MROH2A: variants seen among roughly 807,000 people sequenced by gnomAD.
MROH2A encodes the protein maestro heat like repeat family member 2A.
In MROH2A, 174 loss-of-function variants were observed where a neutral mutation model predicts 200.4. That is an observed-to-expected ratio of 0.87 (90% CI 0.77 to 0.98). The LOEUF (loss-of-function observed/expected upper bound fraction) is 0.98. MROH2A is among the 50% of genes least tolerant of loss of function. MROH2A has a pLI of 0.00. For synonymous variants in MROH2A, 829 were observed against 840.4 expected (o/e 0.99, Z 0.23); for missense variants, 2,045 against 2,139.6 (o/e 0.96, Z 0.87).
At position 233,820,430 on chromosome 2, in the gene MROH2A, T is replaced by A. The variant is rs1355934607; in HGVS notation, c.3512+374T>A. Reference sequence around the variant, plus strand: ...AGCAAGCCCTGGATATATTCCAGGCTGTCCCTATTTCTTTCAAAATGTGTC... The same window carrying A: ...AGCAAGCCCTGGATATATTCCAGGCAGTCCCTATTTCTTTCAAAATGTGTC... On this transcript the variant is annotated intron_variant, in intron 31 of 41. Coordinates refer to ENST00000389758, the MANE Select transcript of MROH2A (RefSeq NM_001394639.1). This position sits in a 1 kb window ranked among gnomAD's most constrained non-coding sequence, Gnocchi z 4.1. Among the ~76,000 whole-genome samples the A allele has an allele frequency of 1.3e-5, 2 of 152,232 alleles. No homozygotes were observed. Among genetic ancestry groups the A allele is most frequent in the Admixed American group, 1.3e-4 (2 of 15,286 alleles).
intron 15 of MROH2A, 148 bp downstream of exon 15, chr2:233,802,463 C>T (rs1702533942): frequency 1.2e-6 from 1 of 866,460 alleles, no homozygotes; most frequent in South Asian, 1.8e-5. Flanking sequence ...TTAATGCCTA[C>T]CTGGATATTA....
chr2:233,779,601 C>T (rs1011974704), intron 2 of MROH2A, 70 bp from the exon 3 acceptor site: 7 of 1,505,828 alleles, frequency 4.6e-6, no homozygotes, highest in African/African-American at 2.8e-5. Context: ...GGAGGCAAGG[C>T]CAGGGACACA....
At chr2:233,827,576 G>A (rs181143230) in intron 35 of MROH2A, among the ~76,000 whole-genome samples, 1 of 152,110 alleles carries the variant, frequency 6.6e-6, no homozygotes, top group African/African-American at 2.4e-5. Context: ...TTGGGAGTGG[G>A]GTGGGGGAAG....
In MROH2A at chr2:233,819,257, G is replaced by A; in HGVS notation, c.3205-60G>A. ...CCATGGGGTGGGACAGGGGAGGAGA[G>A]AGTGTCAGCAGTCATGGAGTGGCAG... On this transcript the variant is annotated intron_variant, in intron 29 of 41. Coordinates refer to ENST00000389758, the MANE Select transcript of MROH2A (RefSeq NM_001394639.1). The A allele has an allele frequency of 1.3e-6, 2 of 1,490,936 alleles. 1 individual carries two copies. Among genetic ancestry groups the A allele is most frequent in the South Asian group, 2.6e-5 (2 of 77,536 alleles). The allele number at this position is 1,490,936 out of a possible 1,614,324, so 92.4% of individuals were successfully genotyped here. A position where few individuals can be genotyped will look rare whatever the true frequency, so the allele number is the denominator to read the frequency against.
At chr2:233,785,962 C>T (rs1158583337) in intron 3 of MROH2A, among the ~76,000 whole-genome samples, 1 of 152,146 alleles carries the variant, frequency 6.6e-6, no homozygotes, top group Admixed American at 6.5e-5. Context: ...ACCCAAATCT[C>T]ACCTTGAATT....
intron 41 of MROH2A, among the ~76,000 whole-genome samples, chr2:233,832,864 A>C (rs1001428777): frequency 5.3e-5 from 8 of 152,292 alleles, no homozygotes; most frequent in African/African-American, 1.9e-4. Context: ...TGTTTCTCCC[A>C]TTCATAGCTT....
rs745369925 is a variant in MROH2A at position 233,820,067 on chromosome 2, T to C, written c.3512+11T>C. Reference sequence around the variant, plus strand: ...ACTGCCCATGGAGAGGTGGGTGCCCTGGAGGAGGTGGCCCCGGCCTCCTGT... The same window carrying C: ...ACTGCCCATGGAGAGGTGGGTGCCCCGGAGGAGGTGGCCCCGGCCTCCTGT... On this transcript the variant is annotated intron_variant, in intron 31 of 41. Transcript: ENST00000389758. The surrounding 1 kb of genome is among the most constrained non-coding windows in gnomAD (Gnocchi z 4.1). The C allele has an allele frequency of 1.3e-6, 2 of 1,499,480 alleles. No homozygotes were observed. Among genetic ancestry groups the C allele is most frequent in the South Asian group, 1.3e-5 (1 of 77,854 alleles). 92.9% of individuals were successfully genotyped at this position (1,499,480 alleles called of 1,614,324 possible). A position where few individuals can be genotyped will look rare whatever the true frequency, so the allele number is the denominator to read the frequency against.
In MROH2A at chr2:233,822,564, C is replaced by A; in HGVS notation, c.3866+8C>A. 1 of 1,547,436 alleles carries A rather than the reference C, an allele frequency of 6.5e-7. No homozygotes were observed. The highest frequency in any genetic ancestry group is 8.7e-7 in the Non-Finnish European group (1 of 1,146,700). Reference sequence around the variant, plus strand: ...GGAGATGAACCTGCAAAGGTGCTCTCGAGGGCGGTGGGTGCAAGGCAGCAG... The same window carrying A: ...GGAGATGAACCTGCAAAGGTGCTCTAGAGGGCGGTGGGTGCAAGGCAGCAG... On this transcript the variant is annotated splice_region_variant and intron_variant, in intron 33 of 41. Transcript: ENST00000389758.
chr2:233,828,510 G>C lies in MROH2A; in HGVS notation c.4114-120G>C, dbSNP rs1255908544. 3 of 1,268,754 alleles carry C rather than the reference G, an allele frequency of 2.4e-6. No homozygotes were observed. The African/African-American group carries it at 4.6e-5, about 19-fold the overall frequency. The allele number at this position is 1,268,754 out of a possible 1,614,324, so 78.6% of individuals were successfully genotyped here. ...TATAGAGAGGAAACGGAGGCTCTCAGAGCCCCTCCCCTCCTGTCCACAGAG... is the reference window on the plus strand; with the variant it reads ...TATAGAGAGGAAACGGAGGCTCTCACAGCCCCTCCCCTCCTGTCCACAGAG... On this transcript the variant is annotated intron_variant, in intron 35 of 41. Transcript: ENST00000389758. This position sits in a 1 kb window ranked among gnomAD's most constrained non-coding sequence, Gnocchi z 4.6.
At chr2:233,798,618 T>C (rs182355327) in intron 11 of MROH2A, among the ~76,000 whole-genome samples, 156 bp from the exon 12 acceptor site, 5 of 152,134 alleles carry the variant, frequency 3.3e-5, no homozygotes, top group Admixed American at 1.3e-4. Flanking sequence ...GGGAGGGAGA[T>C]GGCCAGGGAG....
chr2:233,800,631 A>ATGTG lies in MROH2A; in HGVS notation c.1560+340_1560+343dup, dbSNP rs10647744. 4.0e-3 allele frequency among the ~76,000 whole-genome samples: 593 copies of ATGTG among 149,954 alleles called. 5 individuals carry two copies. The highest frequency in any genetic ancestry group is 9.5e-3 in the African/African-American group (387 of 40,798). ...TACTTTAAGGCCCGTGTGTGTGTGT[A>ATGTG]TGTGTGTGTGTGTGTGTGTGTGTGT... On this transcript the variant is annotated intron_variant, in intron 14 of 41. Coordinates refer to ENST00000389758, the MANE Select transcript of MROH2A (RefSeq NM_001394639.1).
In MROH2A at chr2:233,818,766, C is replaced by A; in HGVS notation, c.3200C>A (p.Ala1067Asp). Residue 1067 changes from alanine (A) to aspartate (D), a missense_variant, in exon 29 of 42, where the codon GCC becomes GAC. By Grantham distance (126) the Ala-to-Asp change is moderately radical. Around this residue, in one of 3 missense-constraint regions of MROH2A, gnomAD observed 1,201 missense variants for 1,311.3 expected, o/e 0.92. Transcript: ENST00000389758. ...EKIFCASSRIAKVVCMEFSCD... is the reference protein window; with the variant it reads ...EKIFCASSRIDKVVCMEFSCD... ...ATCTTCTGTGCATCCTCCAGAATCGCCAAGGTGACAGCCGGGGAGCCTGCC... is the reference window on the plus strand; with the variant it reads ...ATCTTCTGTGCATCCTCCAGAATCGACAAGGTGACAGCCGGGGAGCCTGCC... 1 of 1,542,086 alleles carries A rather than the reference C, an allele frequency of 6.5e-7. No individual in the cohort carries two copies. Among genetic ancestry groups the A allele is most frequent in the South Asian group, 1.2e-5 (1 of 83,776 alleles).
At chr2:233,779,584 C>T (rs754207624) in intron 2 of MROH2A, 87 bp from the exon 3 acceptor site, 20 of 1,448,258 alleles carry the variant, frequency 1.4e-5, no homozygotes, top group South Asian at 5.1e-5. Flanking sequence ...GCTGGAGCTG[C>T]GCAGGTGGAG....
rs558143167 is a variant in MROH2A, at chr2:233,779,757, C to T, written c.181C>T (p.Arg61Trp). Reference protein sequence around the residue: ...TDTTGAGLDMRKTLASVIIME... With the variant: ...TDTTGAGLDMWKTLASVIIME... ...CACAACAGGGGCAGGCCTTGACATG[C>T]GGAAGACCCTGGCCTCGGTGATAAT... is the stretch of plus-strand genomic sequence containing the variant. Residue 61 changes from arginine (R) to tryptophan (W), a missense_variant, in exon 3 of 42, where the codon CGG becomes TGG. This residue lies in a region of MROH2A where 831 missense variants were observed against 800.0 expected (regional missense o/e 1.04). Coordinates refer to ENST00000389758, the MANE Select transcript of MROH2A (RefSeq NM_001394639.1). The T allele has an allele frequency of 3.5e-5, 54 of 1,550,996 alleles. No individual in the cohort carries two copies. The highest frequency in any genetic ancestry group is 1.2e-4 in the East Asian group (5 of 40,918).
chr2:233,794,113 C>A (rs1701954554), intron 7 of MROH2A, among the ~76,000 whole-genome samples: 1 of 152,186 alleles, frequency 6.6e-6, no homozygotes, highest in African/African-American at 2.4e-5. Context: ...TATTTTCACA[C>A]CCACTCTGTG....
In MROH2A at chr2:233,828,594, G is replaced by A. The variant is rs905338270; in HGVS notation, c.4114-36G>A. Reference sequence around the variant, plus strand: ...CACCTTGCTGCTGAGAAATGAGCCCGCCCTGGGGATAACTGCCCAATGTCC... The same window carrying A: ...CACCTTGCTGCTGAGAAATGAGCCCACCCTGGGGATAACTGCCCAATGTCC... On this transcript the variant is annotated intron_variant, in intron 35 of 41. Transcript: ENST00000389758. This position sits in a 1 kb window ranked among gnomAD's most constrained non-coding sequence, Gnocchi z 4.6. 35 of 1,543,482 alleles carry A rather than the reference G, an allele frequency of 2.3e-5. No individual in the cohort carries two copies. The highest frequency in any genetic ancestry group is 5.9e-5 in the Admixed American group (3 of 50,546).
intron 11 of MROH2A, among the ~76,000 whole-genome samples, chr2:233,797,173 CT>C (rs1702167530): frequency 6.6e-6 from 1 of 152,214 alleles, no homozygotes; most frequent in Non-Finnish European, 1.5e-5. Flanking sequence ...GTGGGTTATA[CT>C]TTGCTTATTG....
intron 22 of MROH2A, 88 bp from the exon 23 acceptor site, chr2:233,810,706 A>G: frequency 6.7e-7 from 1 of 1,487,112 alleles, no homozygotes; most frequent in Non-Finnish European, 9.1e-7. Context: ...TTCAGAGCAG[A>G]GGGAGTCCAG....
At chr2:233,818,815 G>A in intron 29 of MROH2A, 45 bp downstream of exon 29, 1 of 1,304,568 alleles carries the variant, frequency 7.7e-7, no homozygotes, top group South Asian at 1.3e-5. Context: ...TGGTCTCAGG[G>A]CCCTTGGCCG....
Sources: gnomAD v4.1 joint callset for allele counts (sites outside exome capture counted in the v4.1 genomes callset) on GRCh38, gnomAD v4.1.1 for gene constraint, gnomAD v4.1.1 regional missense constraint, Gnocchi (gnomAD v3.1) non-coding constraint, MANE v1.5 for transcripts, NCBI Gene and HGNC (gene_info 2026-07-23, HGNC 2026-07-21) for gene names.